The following DCAF11 variants were observed in gnomAD, a reference collection of about 807,000 sequenced individuals.
DCAF11 encodes the protein DDB1- and CUL4-associated factor 11.
DCAF11 carries 44 observed loss-of-function variants against 76.1 expected under a neutral mutation model. The ratio of observed to expected loss-of-function variants is 0.58; its 90% confidence interval spans 0.45 to 0.74. The LOEUF is 0.74. DCAF11 is among the 30% of genes least tolerant of loss of function. The pLI is 0.00. For synonymous variants in DCAF11, 258 were observed against 255.0 expected, an observed-to-expected ratio of 1.01 and a Z score of -0.11; for missense variants, 604 against 709.4, an observed-to-expected ratio of 0.85 and a Z score of 1.69.
rs1207715159 is a variant in DCAF11, at chr14:24,117,478, C to T, written c.411+85C>T. 6.3e-7 allele frequency: 1 copy of T among 1,591,002 alleles called. No homozygotes were observed. The highest frequency in any genetic ancestry group is 1.3e-5 in the African/African-American group (1 of 74,110). On this transcript the variant is annotated intron_variant, in intron 4 of 14. Transcript: ENST00000446197. This position sits in a 1 kb window ranked among gnomAD's most constrained non-coding sequence, Gnocchi z 4.3. ...CAGCCCCAGAGAAAAAGGAAGTCAA[C>T]TTTCCAAAGTAGAAGCCTCAAGCGC...
Position 24,117,511 on chromosome 14 carries a change from GGAGAGTTAACCA to G in DCAF11, c.411+120_411+131del. ...AGTAGAAGCCTCAAGCGCTGGGGCT[GGAGAGTTAACCA>G]GCCTCCATCGGAGTTCTGTGGGACA... On this transcript the variant is annotated intron_variant, in intron 4 of 14. Transcript: ENST00000446197. The surrounding 1 kb of genome is among the most constrained non-coding windows in gnomAD (Gnocchi z 4.3). 6.5e-7 allele frequency: 1 copy of G among 1,547,146 alleles called. No individual in the cohort carries two copies. The highest frequency in any genetic ancestry group is 8.8e-7 in the Non-Finnish European group (1 of 1,140,516).
intron 12 of DCAF11, 31 bp downstream of exon 12, chr14:24,121,022 T>C (rs2037681678): frequency 6.2e-7 from 1 of 1,611,670 alleles, no homozygotes; most frequent in South Asian, 1.1e-5. Flanking sequence ...ACAGTGGATT[T>C]GTCTGTAGCC....
In DCAF11 at chr14:24,117,371, G is replaced by C; in HGVS notation, c.389G>C (p.Ser130Thr). The change falls in exon 4 of 15, where the codon AGC becomes ACC. Residue 130 changes from serine to threonine, a missense_variant. Transcript: ENST00000446197. This position sits in a 1 kb window ranked among gnomAD's most constrained non-coding sequence, Gnocchi z 4.3. ...LGLRRAAQKH[S>T]FPRMLHQRER... Reference sequence around the variant, plus strand: ...CTTAGGCGGGCCGCCCAGAAGCACAGCTTTCCTCGAATGTTGCACCAGGTA... The same window carrying C: ...CTTAGGCGGGCCGCCCAGAAGCACACCTTTCCTCGAATGTTGCACCAGGTA... 6.8e-6 allele frequency: 11 copies of C among 1,614,234 alleles called. No homozygotes were observed. The highest frequency in any genetic ancestry group is 9.3e-6 in the Non-Finnish European group (11 of 1,180,044).
In DCAF11 at chr14:24,124,530, T is replaced by C. The variant is rs1566595890; in HGVS notation, c.*1221T>C. Reference sequence around the variant, plus strand: ...ATTTCATGCCCTCTAAGGCAGTTTTTAAATGAAGGTACACACATCCAGGGG... The same window carrying C: ...ATTTCATGCCCTCTAAGGCAGTTTTCAAATGAAGGTACACACATCCAGGGG... On this transcript the variant is annotated 3_prime_UTR_variant, in exon 15 of 15. Coordinates refer to ENST00000446197, the MANE Select transcript of DCAF11 (RefSeq NM_025230.5). 1 of 152,246 alleles carries C rather than the reference T, an allele frequency of 6.6e-6. No homozygotes were observed. Among genetic ancestry groups the C allele is most frequent in the Non-Finnish European group, 1.5e-5 (1 of 68,044 alleles). The allele number at this position is 152,246 out of a possible 1,614,324, so 9.4% of individuals were successfully genotyped here.
intron 7 of DCAF11, 57 bp downstream of exon 7, chr14:24,118,591 T>G: frequency 6.2e-7 from 1 of 1,604,166 alleles, no homozygotes; most frequent in Non-Finnish European, 8.5e-7. Context: ...GGTTTCCATG[T>G]GCCTGTCCCC....
intron 8 of DCAF11, 96 bp downstream of exon 8, chr14:24,118,900 A>G: frequency 2.8e-6 from 4 of 1,406,570 alleles, no homozygotes; most frequent in Non-Finnish European, 2.0e-6. Context: ...GTTTAGGGGA[A>G]AAAGTATACT....
Position 24,118,422 on chromosome 14 carries a change from C to G in DCAF11, c.612C>G (p.Gly204=). Reference sequence around the variant, plus strand: ...TCCGACTCTATGACTGCCGATATGGCCGTTTCCGTAAATTCAAGAGCATCA... The same window carrying G: ...TCCGACTCTATGACTGCCGATATGGGCGTTTCCGTAAATTCAAGAGCATCA... ...QTIRLYDCRY[G]RFRKFKSIKA... is the part of the protein sequence containing the mutation. The change falls in exon 7 of 15, where the codon GGC becomes GGG. Residue 204 remains glycine (G), a synonymous_variant. Coordinates refer to ENST00000446197, the MANE Select transcript of DCAF11 (RefSeq NM_025230.5). 6.2e-7 allele frequency: 1 copy of G among 1,614,210 alleles called. No homozygotes were observed. The highest frequency in any genetic ancestry group is 2.2e-5 in the East Asian group (1 of 44,886).
chr14:24,118,332 C>A (rs1352864703), intron 6 of DCAF11, 56 bp from the exon 7 acceptor site: 19 of 1,609,624 alleles, frequency 1.2e-5, no homozygotes, highest in Non-Finnish European at 1.5e-5. Context: ...GATGTCTAAT[C>A]TAGAAAAGTT....
Position 24,117,560 on chromosome 14 carries a change from G to A in DCAF11, c.412-108G>A, listed in dbSNP as rs2037605701. 14 of 1,518,304 alleles carry A rather than the reference G, an allele frequency of 9.2e-6. No individual in the cohort carries two copies. In the South Asian group the frequency reaches 1.2e-4, roughly 13 times the overall value. The allele number at this position is 1,518,304 out of a possible 1,614,324, so 94.1% of individuals were successfully genotyped here. On this transcript the variant is annotated intron_variant, in intron 4 of 14. Coordinates refer to ENST00000446197, the MANE Select transcript of DCAF11 (RefSeq NM_025230.5). This position sits in a 1 kb window ranked among gnomAD's most constrained non-coding sequence, Gnocchi z 4.3. The stretch of plus-strand genomic sequence containing the variant: ...AGTTCTGTGGGACAGACTATGATGT[G>A]TGTGTCCATTTCTATAACAAGAGCA...
Position 24,115,739 on chromosome 14 carries a change from C to T in DCAF11, c.145C>T (p.Leu49Phe). Residue 49 changes from leucine to phenylalanine, a missense_variant, in exon 2 of 15, where the codon CTC (leucine) becomes TTC (phenylalanine). Transcript: ENST00000446197. ...GGATCTGGCCCAGGTACTGGCCTAT[C>T]TCCTCCGCAGGTAACTTACCCTCTG... Reference protein sequence around the residue: ...DVDLAQVLAYLLRRGQVRLVQ... With the variant: ...DVDLAQVLAYFLRRGQVRLVQ... 1 of 1,612,884 alleles carries T rather than the reference C, an allele frequency of 6.2e-7. No individual in the cohort carries two copies. The highest frequency in any genetic ancestry group is 8.5e-7 in the Non-Finnish European group (1 of 1,179,400).
In DCAF11 at chr14:24,119,743, G is replaced by A. The variant is rs1420983453; in HGVS notation, c.939G>A (p.Val313=). 15 of 1,614,212 alleles carry A rather than the reference G, an allele frequency of 9.3e-6. No individual in the cohort carries two copies. Among genetic ancestry groups the A allele is most frequent in the Non-Finnish European group, 1.3e-5 (15 of 1,180,032 alleles). Residue 313 remains valine (V), a synonymous_variant, in exon 11 of 15, where the codon GTG becomes GTA. Coordinates refer to ENST00000446197, the MANE Select transcript of DCAF11 (RefSeq NM_025230.5). The stretch of plus-strand genomic sequence containing the variant: ...CCCATGAGGATGATGTGAATGCAGT[G>A]GCCTTTGCTGATATAAGCTCCCAAA... ...IESHEDDVNA[V]AFADISSQIL...
At chr14:24,118,271 G>A in intron 6 of DCAF11, 116 bp downstream of exon 6, 2 of 1,585,020 alleles carry the variant, frequency 1.3e-6, no homozygotes, top group Non-Finnish European at 1.7e-6. Flanking sequence ...TGCTTAGCCA[G>A]ACCATGTTTC....
At chr14:24,118,951 G>A in intron 8 of DCAF11, 147 bp downstream of exon 8, 1 of 1,140,878 alleles carries the variant, frequency 8.8e-7, no homozygotes, top group East Asian at 2.4e-5. Flanking sequence ...GCACCATCTT[G>A]TCAGCCAGAG....
chr14:24,115,001 A>G lies in DCAF11; in HGVS notation c.-506A>G. The stretch of plus-strand genomic sequence containing the variant: ...CTCGGCTTCCTCCCCCTCATGGCGT[A>G]CACACCCCCGGCGCACCACGTGGGC... On this transcript the variant is annotated 5_prime_UTR_variant, in exon 1 of 15. Coordinates refer to ENST00000446197, the MANE Select transcript of DCAF11 (RefSeq NM_025230.5). 2 of 985,978 alleles carry G rather than the reference A, an allele frequency of 2.0e-6. No individual in the cohort carries two copies. The highest frequency in any genetic ancestry group is 2.4e-6 in the Non-Finnish European group (2 of 829,990). 61.1% of individuals were successfully genotyped at this position (985,978 alleles called of 1,614,324 possible).
rs2037737994 is a variant in DCAF11, at chr14:24,123,991, A to C, written c.*682A>C. 6.6e-6 allele frequency: 1 copy of C among 152,170 alleles called. No individual in the cohort carries two copies. The highest frequency in any genetic ancestry group is 6.5e-5 in the Admixed American group (1 of 15,282). 9.4% of individuals were successfully genotyped at this position (152,170 alleles called of 1,614,324 possible). ...TGAAGTAGGACTCCTTCGTCCTCTC[A>C]CTGGCTTTGGCTCCCTCAATAAACT... On this transcript the variant is annotated 3_prime_UTR_variant, in exon 15 of 15. Coordinates refer to ENST00000446197, the MANE Select transcript of DCAF11 (RefSeq NM_025230.5).
At position 24,115,648 on chromosome 14, in the gene DCAF11, G is replaced by C; in HGVS notation, c.54G>C (p.Glu18Asp). Reference protein sequence around the residue: ...SAGSGSGDPSEGLPRRGAGLR... With the variant: ...SAGSGSGDPSDGLPRRGAGLR... ...GATCCGGGTCCGGAGACCCCTCCGA[G>C]GGCTTGCCCCGAAGAGGGGCTGGCC... The change falls in exon 2 of 15, where the codon GAG (glutamate) becomes GAC (aspartate). Residue 18 changes from glutamate (E) to aspartate (D), a missense_variant. Coordinates refer to ENST00000446197, the MANE Select transcript of DCAF11 (RefSeq NM_025230.5). The C allele has an allele frequency of 6.2e-7, 1 of 1,614,066 alleles. No homozygotes were observed. Among genetic ancestry groups the C allele is most frequent in the Non-Finnish European group, 8.5e-7 (1 of 1,179,988 alleles).
rs1025626486 is a variant in DCAF11 at position 24,117,108 on chromosome 14, A to G, written c.283+64A>G. 5.0e-6 allele frequency: 8 copies of G among 1,612,428 alleles called. No individual in the cohort carries two copies. The highest frequency in any genetic ancestry group is 6.8e-6 in the Non-Finnish European group (8 of 1,178,974). ...AGAAAACCTTTTAGTGATATTTTGA[A>G]TGATAGGTTACATTGAAAGAAGGTA... On this transcript the variant is annotated intron_variant, in intron 3 of 14. Transcript: ENST00000446197. This position sits in a 1 kb window ranked among gnomAD's most constrained non-coding sequence, Gnocchi z 4.3.
At chr14:24,121,055 C>G in intron 12 of DCAF11, 64 bp downstream of exon 12, 1 of 1,587,154 alleles carries the variant, frequency 6.3e-7, no homozygotes, top group Non-Finnish European at 8.6e-7. Flanking sequence ...AGGACCTCCC[C>G]CTCAGCCCTC....
Position 24,118,473 on chromosome 14 carries a change from C to T in DCAF11, c.663C>T (p.Val221=), listed in dbSNP as rs1345891890. Residue 221 remains valine (V), a synonymous_variant, in exon 7 of 15, where the codon GTC becomes GTT. Transcript: ENST00000446197. ...AGGCCCGCGACGTAGGCTGGAGCGT[C>T]TTGGATGTGGCCTTCACCCCTGATG... The part of the protein sequence containing the change: ...SIKARDVGWS[V]LDVAFTPDGN... 1.9e-5 allele frequency: 31 copies of T among 1,614,214 alleles called. No homozygotes were observed. Among genetic ancestry groups the T allele is most frequent in the Non-Finnish European group, 2.6e-5 (31 of 1,180,042 alleles).
Sources: gnomAD v4.1 joint callset for allele counts on GRCh38, gnomAD v4.1.1 for gene constraint, Gnocchi (gnomAD v3.1) non-coding constraint, MANE v1.5 for transcripts, NCBI Gene and HGNC (gene_info 2026-07-23, HGNC 2026-07-21) for gene names.